Variants in COL22A1 observed in about 807,000 individuals in gnomAD.
COL22A1 encodes collagen type XXII alpha 1 chain.
COL22A1 carries 221 observed loss-of-function variants against 248.9 expected under a neutral mutation model. That is an observed-to-expected ratio of 0.89 (90% CI 0.80 to 0.99). COL22A1 has a LOEUF of 0.99. Among genes scored for constraint, COL22A1 ranks in the 50% least tolerant of loss-of-function variants. The pLI is 0.00. For missense variants in COL22A1, 2,240 were observed against 2,179.0 expected, an observed-to-expected ratio of 1.03 and a Z score of -0.56; for synonymous variants, 891 against 793.4, an observed-to-expected ratio of 1.12 and a Z score of -2.07.
rs560035478 is a variant in COL22A1, at chr8:138,736,339, G to A, written c.2139+1185C>T. 1.2e-3 allele frequency among the ~76,000 whole-genome samples: 181 copies of A among 152,080 alleles called. 1 individual carries two copies. Among genetic ancestry groups the A allele is most frequent in the South Asian group, 2.1e-3 (10 of 4,812 alleles). On this transcript the variant is annotated intron_variant, in intron 23 of 64. Coordinates refer to ENST00000303045, the MANE Select transcript of COL22A1 (RefSeq NM_152888.3). ...GGAATTCTGTACACTGCAAAGGCCC[G>A]GCAGAGAGCTTCAGGGGCTTGCCAT... is the stretch of plus-strand genomic sequence containing the variant.
intron 27 of COL22A1, among the ~76,000 whole-genome samples, chr8:138,718,815 C>A (rs1586560368): frequency 6.6e-6 from 1 of 152,302 alleles, no homozygotes; most frequent in Admixed American, 6.5e-5. Context: ...AAGCAGTAGG[C>A]TTCTCTGAAT....
chr8:138,912,281 A>T (rs1815504444), intron 1 of COL22A1, among the ~76,000 whole-genome samples: 1 of 152,234 alleles, frequency 6.6e-6, no homozygotes, highest in African/African-American at 2.4e-5. Flanking sequence ...TACCCCATGC[A>T]GCAGGCCTCT....
intron 4 of COL22A1, among the ~76,000 whole-genome samples, chr8:138,840,767 G>A (rs1820824744): frequency 6.6e-6 from 1 of 151,920 alleles, no homozygotes; most frequent in Non-Finnish European, 1.5e-5. Flanking sequence ...CACCATAGTT[G>A]GCTGATTTTT....
At chr8:138,722,427 C>A (rs1010115556) in intron 25 of COL22A1, among the ~76,000 whole-genome samples, 1 of 152,244 alleles carries the variant, frequency 6.6e-6, no homozygotes, top group African/African-American at 2.4e-5. Context: ...CTGGGGACAA[C>A]AATGTCCACA....
chr8:138,702,478 C>T (rs1042648136), intron 31 of COL22A1, among the ~76,000 whole-genome samples: 1 of 152,120 alleles, frequency 6.6e-6, no homozygotes, highest in Non-Finnish European at 1.5e-5. Flanking sequence ...CTGGCATCCC[C>T]TGCAAGGGCC....
intron 3 of COL22A1, among the ~76,000 whole-genome samples, chr8:138,864,185 C>T (rs1040608380): frequency 6.6e-6 from 1 of 152,060 alleles, no homozygotes; most frequent in African/African-American, 2.4e-5. Context: ...CCTGCCCAAA[C>T]GGTCTGAACC....
intron 58 of COL22A1, among the ~76,000 whole-genome samples, chr8:138,605,084 A>C (rs559285109): frequency 9.3e-4 from 142 of 152,248 alleles, no homozygotes; most frequent in Non-Finnish European, 1.6e-3. Context: ...GGCCTCTCTG[A>C]GAAGTAGGCC....
Position 138,651,336 on chromosome 8 carries a change from CT to C in COL22A1, c.3334-1559del, listed in dbSNP as rs1201601001. The stretch of plus-strand genomic sequence containing the variant: ...ACTCAGAGGACAGAGGTAGAATTAT[CT>C]TTGCTTGCCAAATTCATGGCAAATA... On this transcript the variant is annotated intron_variant, in intron 45 of 64. Transcript: ENST00000303045. Among the ~76,000 whole-genome samples, 4 of 152,304 alleles carry C rather than the reference CT, an allele frequency of 2.6e-5. No homozygotes were observed. In the East Asian group the frequency reaches 5.8e-4, roughly 22 times the overall value.
chr8:138,762,603 C>CAA (rs1833580487), intron 16 of COL22A1, 137 bp from the exon 17 acceptor site: 2 of 641,706 alleles, frequency 3.1e-6, no homozygotes, highest in African/African-American at 3.7e-5. Flanking sequence ...CACACACACA[C>CAA]ACACACAACA....
At position 138,838,670 on chromosome 8, in the gene COL22A1, CA is replaced by C. The variant is rs58257635; in HGVS notation, c.733+5413del. On this transcript the variant is annotated intron_variant, in intron 4 of 64. Transcript: ENST00000303045. The stretch of plus-strand genomic sequence containing the variant: ...TTAACTAGGTGGCAGCAAAGGGCAC[CA>C]AAAAAAAAAAAAGATAAATTGCCCA... 4.5e-3 allele frequency among the ~76,000 whole-genome samples: 607 copies of C among 133,766 alleles called. 3 individuals are homozygous for C. Among genetic ancestry groups the C allele is most frequent in the African/African-American group, 0.013 (459 of 35,764 alleles). 87.8% of individuals were successfully genotyped at this position (133,766 alleles called of 152,430 possible). A position where few individuals can be genotyped will look rare whatever the true frequency, so the allele number is the denominator to read the frequency against.
At chr8:138,906,382 T>G (rs183352796) in intron 1 of COL22A1, among the ~76,000 whole-genome samples, 1,211 of 92,294 alleles carry the variant, frequency 0.013, 20 homozygotes, top group African/African-American at 0.045. Flanking sequence ...AAAAAAAAAA[T>G]TACCTACATA....
intron 50 of COL22A1, among the ~76,000 whole-genome samples, chr8:138,627,963 C>T (rs1820388788): frequency 6.6e-6 from 1 of 151,996 alleles, no homozygotes; most frequent in Non-Finnish European, 1.5e-5. Context: ...CACCACTCAC[C>T]ATCTAAATTG....
At chr8:138,646,483 A>C in intron 47 of COL22A1, 146 bp downstream of exon 47, 1 of 537,546 alleles carries the variant, frequency 1.9e-6, no homozygotes, top group Non-Finnish European at 3.2e-6. Flanking sequence ...TCAATAGGAT[A>C]GTCAGTGCCA....
chr8:138,592,277 G>A (rs1817135072), intron 63 of COL22A1, among the ~76,000 whole-genome samples: 1 of 152,212 alleles, frequency 6.6e-6, no homozygotes, highest in South Asian at 2.1e-4. Flanking sequence ...GGATTAAACT[G>A]TCTCTCACCC....
intron 10 of COL22A1, among the ~76,000 whole-genome samples, chr8:138,805,485 A>ATGGGATGGTGTG (rs1554631676): frequency 9.0e-6 from 1 of 111,006 alleles, no homozygotes; most frequent in Non-Finnish European, 1.8e-5. Flanking sequence ...ATGGGATGGC[A>ATGGGATGGTGTG]TGTGATGGTG....
At chr8:138,626,348 T>C in intron 50 of COL22A1, 105 bp from the exon 51 acceptor site, 1 of 924,746 alleles carries the variant, frequency 1.1e-6, no homozygotes, top group South Asian at 1.4e-5. Context: ...AGTGAGTGTT[T>C]GGTGAGAAAC....
At position 138,877,811 on chromosome 8, in the gene COL22A1, G is replaced by A. The variant is rs770656381; in HGVS notation, c.597C>T (p.His199=). The change falls in exon 3 of 65, where the codon CAC becomes CAT. Residue 199 remains histidine, a synonymous_variant. Transcript: ENST00000303045. ...TGTCGATGGCATTGAAGTCGGACAC[G>A]TGGAAGACGTGGGCGGACTTGGGCT... The part of the protein sequence containing the change: ...ASEPKSAHVF[H]VSDFNAIDKI... The A allele has an allele frequency of 3.0e-5, 49 of 1,611,516 alleles. 1 individual carries two copies. Among genetic ancestry groups the A allele is most frequent in the Non-Finnish European group, 3.8e-5 (45 of 1,178,800 alleles).
chr8:138,749,079 G>A (rs1254982333), intron 22 of COL22A1, among the ~76,000 whole-genome samples: 2 of 152,132 alleles, frequency 1.3e-5, no homozygotes, highest in Non-Finnish European at 1.5e-5. Context: ...TGCCATGTAA[G>A]GCATGTCTTT....
chr8:138,904,472 C>G lies in COL22A1; in HGVS notation c.-73+9147G>C, dbSNP rs149373018. 6.6e-5 allele frequency among the ~76,000 whole-genome samples: 10 copies of G among 152,258 alleles called. No homozygotes were observed. In the East Asian group the frequency reaches 1.9e-3, roughly 29 times the overall value. On this transcript the variant is annotated intron_variant, in intron 1 of 64. Coordinates refer to ENST00000303045, the MANE Select transcript of COL22A1 (RefSeq NM_152888.3). The stretch of plus-strand genomic sequence containing the variant: ...GACAGGACAGCCCTTCTCAGTCTCC[C>G]CTCAGCCTGCCTCACCCATCAGTAC...
Sources: allele counts gnomAD v4.1 joint callset (sites outside exome capture counted in the v4.1 genomes callset), GRCh38; gene constraint gnomAD v4.1.1; transcripts MANE v1.5; gene names NCBI Gene and HGNC (gene_info 2026-07-23, HGNC 2026-07-21).